The following SYT15 variants were observed in gnomAD, a reference collection of about 807,000 sequenced individuals.
The protein encoded by SYT15 is synaptotagmin 15.
In SYT15, 4 loss-of-function variants were observed where a neutral mutation model predicts 30.1. The ratio of observed to expected loss-of-function variants is 0.13; its 90% confidence interval spans 0.07 to 0.30. SYT15 has a LOEUF of 0.30. Among genes scored for constraint, SYT15 ranks in the 10% least tolerant of loss-of-function variants. SYT15 has a pLI of 1.00. For synonymous variants in SYT15, 19 were observed against 166.3 expected, an observed-to-expected ratio of 0.11 and a Z score of 6.82; for missense variants, 49 against 371.7, an observed-to-expected ratio of 0.13 and a Z score of 7.14.
downstream of SYT15, among the ~76,000 whole-genome samples, chr10:46,594,891 C>T (rs191784183): frequency 9.9e-6 from 1 of 101,282 alleles, no homozygotes; most frequent in Admixed American, 1.0e-4. Context: ...TCTCAGAATT[C>T]TTTTCTCAGA....
chr10:46,583,830 C>T lies in SYT15; in HGVS notation c.750C>T (p.Pro250=), dbSNP rs781946581. ...AGCTCCTGGGCCAGGTGCTCTTCCC[C>T]TTGAAGAATGAGACCCTAGTGGGGG... ...KHQLLGQVLF[P]LKNETLVGDC... The change falls in exon 5 of 8, where the codon CCC becomes CCT. Residue 250 remains proline, a synonymous_variant. Coordinates refer to ENST00000374321, the MANE Select transcript of SYT15 (RefSeq NM_031912.5). The T allele has an allele frequency of 1.4e-5, 21 of 1,514,044 alleles. 3 individuals are homozygous for T. Among genetic ancestry groups the T allele is most frequent in the Admixed American group, 1.9e-5 (1 of 51,746 alleles). The allele number at this position is 1,514,044 out of a possible 1,614,324, so 93.8% of individuals were successfully genotyped here. A position where few individuals can be genotyped will look rare whatever the true frequency, so the allele number is the denominator to read the frequency against.
rs1831641830 is a variant in SYT15, at chr10:46,580,721, T to C, written c.213-173T>C. On this transcript the variant is annotated intron_variant, in intron 2 of 7. Coordinates refer to ENST00000374321, the MANE Select transcript of SYT15 (RefSeq NM_031912.5). ...GTGTGTGTGTGTGTGTGTGTGTGCG[T>C]GTGTGTGTGTGTGTGTTGCCTGGTA... is the stretch of plus-strand genomic sequence containing the variant. Among the ~76,000 whole-genome samples, 39 of 132,384 alleles carry C rather than the reference T, an allele frequency of 2.9e-4. No individual in the cohort carries two copies. In the East Asian group the frequency reaches 7.4e-3, roughly 25 times the overall value. 86.8% of individuals were successfully genotyped at this position (132,384 alleles called of 152,430 possible).
At chr10:46,595,441 A>G (rs1555045330), downstream of SYT15, among the ~76,000 whole-genome samples, 4 of 150,532 alleles carry the variant, frequency 2.7e-5, no homozygotes, top group South Asian at 8.4e-4. Context: ...TCAGCCTCCC[A>G]AGTAGCTGGG....
At chr10:46,593,590 G>A (rs1283870424), downstream of SYT15, 2 of 147,050 alleles carry the variant, frequency 1.4e-5, no homozygotes, top group African/African-American at 2.6e-5. Context: ...GAAAAACTCC[G>A]TCTCAAAAAA....
At chr10:46,592,825 C>T (rs537530235), downstream of SYT15, among the ~76,000 whole-genome samples, 6 of 25,078 alleles carry the variant, frequency 2.4e-4, no homozygotes, top group East Asian at 7.6e-3. Context: ...CCTGCTTTGA[C>T]CTCCCAAAGG....
chr10:46,590,610 C>T lies in SYT15; in HGVS notation c.*2963C>T, dbSNP rs1482450708. ...AAAATTGGTATACAAATTGCAGTGG[C>T]TAGGACCTCCAGCAGAATGCTGACT... On this transcript the variant is annotated 3_prime_UTR_variant, in exon 8 of 8. Coordinates refer to ENST00000374321, the MANE Select transcript of SYT15 (RefSeq NM_031912.5). 1.4e-5 allele frequency: 2 copies of T among 138,968 alleles called. No homozygotes were observed. Among genetic ancestry groups the T allele is most frequent in the Middle Eastern group, 3.6e-3 (1 of 274 alleles). 8.6% of individuals were successfully genotyped at this position (138,968 alleles called of 1,614,324 possible).
At chr10:46,586,349 G>A (rs7895506) in intron 7 of SYT15, among the ~76,000 whole-genome samples, 1,751 of 127,376 alleles carry the variant, frequency 0.014, 72 homozygotes, top group African/African-American at 0.062. Flanking sequence ...GATCGAGACC[G>A]TCCTGGCTAA....
rs1237871884 is a variant in SYT15 at position 46,585,135 on chromosome 10, G to A, written c.944-463G>A. Reference sequence around the variant, plus strand: ...CACACATCCCACCCATCCCAGTGAGGTGGTGGTCAGCCACCTGTTTGTGTT... The same window carrying A: ...CACACATCCCACCCATCCCAGTGAGATGGTGGTCAGCCACCTGTTTGTGTT... On this transcript the variant is annotated intron_variant, in intron 6 of 7. Transcript: ENST00000374321. Among the ~76,000 whole-genome samples the A allele has an allele frequency of 5.0e-4, 2 of 4,038 alleles. 1 individual carries two copies. The highest frequency in any genetic ancestry group is 5.2e-4 in the African/African-American group (2 of 3,828). 2.6% of individuals were successfully genotyped at this position (4,038 alleles called of 152,430 possible).
Position 46,591,825 on chromosome 10 carries a change from G to A in SYT15, c.*4178G>A, listed in dbSNP as rs1164698968. 3.5e-5 allele frequency: 5 copies of A among 143,396 alleles called. No homozygotes were observed. The highest frequency in any genetic ancestry group is 6.9e-5 in the Admixed American group (1 of 14,510). 8.9% of individuals were successfully genotyped at this position (143,396 alleles called of 1,614,324 possible). On this transcript the variant is annotated 3_prime_UTR_variant, in exon 8 of 8. Coordinates refer to ENST00000374321, the MANE Select transcript of SYT15 (RefSeq NM_031912.5). Reference sequence around the variant, plus strand: ...AGGCTCATACCCATTTAAAATTGACGTTTTCTGGTAGAGTGAACCTTTATT... The same window carrying A: ...AGGCTCATACCCATTTAAAATTGACATTTTCTGGTAGAGTGAACCTTTATT...
rs199660580 is a variant in SYT15, at chr10:46,580,972, C to T, written c.291C>T (p.Ala97=). Residue 97 remains alanine (A), a synonymous_variant, in exon 3 of 8, where the codon GCC becomes GCT. Transcript: ENST00000374321. ...DWVPLHSGEW[A]DAPWDPCPAS... is the part of the protein sequence containing the mutation. ...TGCCCCTGCACAGTGGAGAGTGGGC[C>T]GATGCCCCATGGGACCCCTGCCCGG... 5.9e-4 allele frequency: 715 copies of T among 1,207,106 alleles called. 35 individuals carry two copies. Among genetic ancestry groups the T allele is most frequent in the Middle Eastern group, 7.4e-4 (3 of 4,058 alleles). The allele number at this position is 1,207,106 out of a possible 1,614,324, so 74.8% of individuals were successfully genotyped here.
At position 46,580,964 on chromosome 10, in the gene SYT15, G is replaced by A. The variant is rs781954337; in HGVS notation, c.283G>A (p.Glu95Lys). 5 of 1,224,330 alleles carry A rather than the reference G, an allele frequency of 4.1e-6. No individual in the cohort carries two copies. The highest frequency in any genetic ancestry group is 1.8e-5 in the African/African-American group (1 of 56,480). 75.8% of individuals were successfully genotyped at this position (1,224,330 alleles called of 1,614,324 possible). A position where few individuals can be genotyped will look rare whatever the true frequency, so the allele number is the denominator to read the frequency against. ...GRDWVPLHSG[E>K]WADAPWDPCP... Reference sequence around the variant, plus strand: ...AGATTGGGTGCCCCTGCACAGTGGAGAGTGGGCCGATGCCCCATGGGACCC... The same window carrying A: ...AGATTGGGTGCCCCTGCACAGTGGAAAGTGGGCCGATGCCCCATGGGACCC... Residue 95 changes from glutamate (E) to lysine (K), a missense_variant, in exon 3 of 8, where the codon GAG becomes AAG. Glu to Lys is a moderately conservative substitution (Grantham distance 56, BLOSUM62 1). Coordinates refer to ENST00000374321, the MANE Select transcript of SYT15 (RefSeq NM_031912.5).
At position 46,590,545 on chromosome 10, in the gene SYT15, A is replaced by G. The variant is rs1454687038; in HGVS notation, c.*2898A>G. ...ATCCTAAGGAATCCACACACAAAAA[A>G]ACTACTAGAGCTAATAAGTTTGGCA... On this transcript the variant is annotated 3_prime_UTR_variant, in exon 8 of 8. Transcript: ENST00000374321. The G allele has an allele frequency of 1.9e-5, 2 of 106,324 alleles. No individual in the cohort carries two copies. Among genetic ancestry groups the G allele is most frequent in the Non-Finnish European group, 3.7e-5 (2 of 53,838 alleles). 6.6% of individuals were successfully genotyped at this position (106,324 alleles called of 1,614,324 possible). A position where few individuals can be genotyped will look rare whatever the true frequency, so the allele number is the denominator to read the frequency against.
At chr10:46,596,349 C>T (rs1301277070), downstream of SYT15, 2 of 151,828 alleles carry the variant, frequency 1.3e-5, no homozygotes, top group African/African-American at 5.0e-5. Flanking sequence ...AGTGCAGAGT[C>T]AAAGGAAGAA....
chr10:46,583,783 G>A lies in SYT15; in HGVS notation c.703G>A (p.Val235Met), dbSNP rs199741492. ...QRVLKFSVYH[V>M]DRQRKHQLLG... ...GGTGCTGAAGTTCTCCGTCTACCAC[G>A]TGGACAGGCAGAGGAAGCACCAGCT... The change falls in exon 5 of 8, where the codon GTG (valine) becomes ATG (methionine). Residue 235 changes from valine to methionine, a missense_variant. Val to Met is a conservative substitution (Grantham distance 21). Transcript: ENST00000374321. The A allele has an allele frequency of 9.7e-5, 122 of 1,261,656 alleles. 3 individuals carry two copies. In the Middle Eastern group the frequency reaches 1.3e-3, roughly 13 times the overall value. 78.2% of individuals were successfully genotyped at this position (1,261,656 alleles called of 1,614,324 possible).
downstream of SYT15, among the ~76,000 whole-genome samples, chr10:46,594,609 C>T (rs372309321): frequency 3.5e-5 from 5 of 143,130 alleles, no homozygotes; most frequent in East Asian, 2.0e-4. Flanking sequence ...CAGCTGAAGA[C>T]GACTCTGCTG....
chr10:46,590,647 T>C lies in SYT15; in HGVS notation c.*3000T>C, dbSNP rs1845373355. ...GCAGAATGCTGACTATAAGTAGTGA[T>C]AGTGGGTATTCTTGTCTCATCCTCA... On this transcript the variant is annotated 3_prime_UTR_variant, in exon 8 of 8. Transcript: ENST00000374321. The C allele has an allele frequency of 7.0e-6, 1 of 143,376 alleles. No individual in the cohort carries two copies. The highest frequency in any genetic ancestry group is 2.7e-5 in the African/African-American group (1 of 37,254). 8.9% of individuals were successfully genotyped at this position (143,376 alleles called of 1,614,324 possible).
intron 2 of SYT15, among the ~76,000 whole-genome samples, 155 bp from the exon 3 acceptor site, chr10:46,580,739 G>C (rs1555036420): frequency 1.4e-5 from 2 of 138,896 alleles, no homozygotes; most frequent in African/African-American, 2.9e-5. Flanking sequence ...TGTGTGTGTT[G>C]CCTGGTATGG....
rs1555037365 is a variant in SYT15 at position 46,581,970 on chromosome 10, C to T, written c.430C>T (p.Pro144Ser). The T allele has an allele frequency of 3.2e-6, 5 of 1,571,576 alleles. No homozygotes were observed. Among genetic ancestry groups the T allele is most frequent in the East Asian group, 2.2e-5 (1 of 44,596 alleles). Residue 144 changes from proline to serine, a missense_variant, in exon 4 of 8, where the codon CCC (proline) becomes TCC (serine). Transcript: ENST00000374321. ...GGAGGACAAAAGTGAGACCGACTTC[C>T]CCGACGGCTGCCTGGGGCGGCTGTG... ...FPEDKSETDF[P>S]DGCLGRLWFS...
At chr10:46,579,866 AAATGGC>A (rs1471474765) in intron 1 of SYT15, among the ~76,000 whole-genome samples, 1 of 97,768 alleles carries the variant, frequency 1.0e-5, no homozygotes, top group African/African-American at 4.9e-5. Flanking sequence ...AAGCGCAAGG[AAATGGC>A]TTCTTTAAGC....
Sources: allele counts gnomAD v4.1 joint callset (sites outside exome capture counted in the v4.1 genomes callset), GRCh38; gene constraint gnomAD v4.1.1; transcripts MANE v1.5; gene names NCBI Gene and HGNC (gene_info 2026-07-23, HGNC 2026-07-21).